The following MALRD1 variants were observed in gnomAD, a reference collection of about 807,000 sequenced individuals.
MALRD1 encodes MAM and LDL receptor class A domain containing 1, also known as MAM and LDL-receptor class A domain-containing protein 1.
In MALRD1, 247 loss-of-function variants were observed where a neutral mutation model predicts 242.1. That is an observed-to-expected ratio of 1.02 (90% CI 0.92 to 1.13). MALRD1 has a LOEUF of 1.13. Among genes scored for constraint, MALRD1 ranks in the 50% most tolerant of loss-of-function variants. The pLI is 0.00. For missense variants in MALRD1, 2,989 were observed against 2,533.1 expected, an observed-to-expected ratio of 1.18 and a Z score of -3.86; for synonymous variants, 995 against 866.6, an observed-to-expected ratio of 1.15 and a Z score of -2.60.
intron 19 of MALRD1, among the ~76,000 whole-genome samples, chr10:19,262,000 T>C (rs1050344570): frequency 6.6e-6 from 1 of 152,122 alleles, no homozygotes; most frequent in African/African-American, 2.4e-5. Context: ...AAAAATGTTA[T>C]TAATATTCCC....
At chr10:19,284,153 C>T (rs1840973662) in intron 21 of MALRD1, among the ~76,000 whole-genome samples, 1 of 152,014 alleles carries the variant, frequency 6.6e-6, no homozygotes, top group South Asian at 2.1e-4. Flanking sequence ...TCTTTATTGA[C>T]TATTAAGGCT....
intron 29 of MALRD1, among the ~76,000 whole-genome samples, chr10:19,488,186 A>G (rs1039409210): frequency 6.6e-6 from 1 of 152,226 alleles, no homozygotes; most frequent in African/African-American, 2.4e-5. Flanking sequence ...ATTTAAATAT[A>G]AGAATTGCTC....
At chr10:19,607,940 C>T (rs771125027) in intron 35 of MALRD1, 38 bp downstream of exon 35, 30 of 1,544,056 alleles carry the variant, frequency 1.9e-5, no homozygotes, top group Non-Finnish European at 2.5e-5. Flanking sequence ...GTGATATGAA[C>T]CAGCAACTTA....
At position 19,692,273 on chromosome 10, in the gene MALRD1, C is replaced by A. The variant is rs768195426; in HGVS notation, c.6138-9C>A. 6.5e-7 allele frequency: 1 copy of A among 1,529,358 alleles called. No homozygotes were observed. Among genetic ancestry groups the A allele is most frequent in the East Asian group, 2.5e-5 (1 of 40,782 alleles). 94.7% of individuals were successfully genotyped at this position (1,529,358 alleles called of 1,614,324 possible). A position where few individuals can be genotyped will look rare whatever the true frequency, so the allele number is the denominator to read the frequency against. ...TTTTTCCAACTATTTTATTTTATCT[C>A]CTTTCCAGATGTAGACAAGGCTGGA... is the stretch of plus-strand genomic sequence containing the variant. On this transcript the variant is annotated splice_polypyrimidine_tract_variant and intron_variant, in intron 36 of 39. Coordinates refer to ENST00000454679, the MANE Select transcript of MALRD1 (RefSeq NM_001142308.3).
chr10:19,338,089 T>C (rs1459502506), intron 24 of MALRD1, among the ~76,000 whole-genome samples: 1 of 150,928 alleles, frequency 6.6e-6, no homozygotes, highest in Non-Finnish European at 1.5e-5. Flanking sequence ...AGAAAGTACA[T>C]ATACTCCTTC....
upstream of MALRD1, among the ~76,000 whole-genome samples, chr10:19,048,430 C>T (rs536003680): frequency 6.6e-6 from 1 of 152,200 alleles, no homozygotes; most frequent in South Asian, 2.1e-4. Flanking sequence ...AATGGAAAAG[C>T]ATTTTATTTT....
chr10:19,326,129 A>G (rs1458766539), intron 22 of MALRD1, among the ~76,000 whole-genome samples: 1 of 152,148 alleles, frequency 6.6e-6, no homozygotes, highest in South Asian at 2.1e-4. Flanking sequence ...TAATCTAAAG[A>G]CATCCAAATG....
chr10:19,352,892 C>A (rs550394679), intron 26 of MALRD1, among the ~76,000 whole-genome samples: 1 of 152,092 alleles, frequency 6.6e-6, no homozygotes, highest in South Asian at 2.1e-4. Context: ...TTAGCAAGCA[C>A]CATTAACCCA....
intron 33 of MALRD1, among the ~76,000 whole-genome samples, chr10:19,589,738 C>T (rs1391298114): frequency 1.3e-5 from 2 of 152,182 alleles, no homozygotes; most frequent in South Asian, 2.1e-4. Flanking sequence ...CCATCACAGT[C>T]ATCAACGTTT....
chr10:19,106,099 C>T (rs1836452583), intron 5 of MALRD1, among the ~76,000 whole-genome samples: 1 of 151,772 alleles, frequency 6.6e-6, no homozygotes, highest in South Asian at 2.1e-4. Context: ...TTATGGGGTA[C>T]ATGTGAGTTT....
chr10:19,261,515 GAAGT>G (rs1224875266), intron 19 of MALRD1, among the ~76,000 whole-genome samples: 1 of 147,954 alleles, frequency 6.8e-6, no homozygotes, highest in Non-Finnish European at 1.5e-5. Context: ...CATGTTATCT[GAAGT>G]AAGAATCATG....
intron 38 of MALRD1, among the ~76,000 whole-genome samples, chr10:19,700,455 G>A (rs1381222393): frequency 6.6e-6 from 1 of 152,108 alleles, no homozygotes; most frequent in Non-Finnish European, 1.5e-5. Flanking sequence ...TATGAAATTT[G>A]CCCAAGATAG....
intron 21 of MALRD1, among the ~76,000 whole-genome samples, chr10:19,291,144 T>A (rs1402726080): frequency 1.3e-4 from 20 of 152,296 alleles, no homozygotes; most frequent in Non-Finnish European, 1.5e-5. Context: ...TAAATAATGT[T>A]TAATATTAAC....
At chr10:19,142,404 A>T (rs7898234) in intron 10 of MALRD1, among the ~76,000 whole-genome samples, 52,794 of 151,898 alleles carry the variant, frequency 0.35, 9,597 homozygotes, top group Non-Finnish European at 0.4. Flanking sequence ...CAGAGAGCTG[A>T]TTAACTTCTA....
At chr10:19,410,086 G>C (rs116177968) in intron 28 of MALRD1, among the ~76,000 whole-genome samples, 3,326 of 152,204 alleles carry the variant, frequency 0.022, 45 homozygotes, top group Middle Eastern at 0.034. Flanking sequence ...AGCTTGCTCT[G>C]TGTCTGTTCC....
chr10:19,526,756 G>A (rs1171080389), intron 31 of MALRD1, among the ~76,000 whole-genome samples: 2 of 152,164 alleles, frequency 1.3e-5, no homozygotes, highest in Non-Finnish European at 2.9e-5. Context: ...ATATGCTGCA[G>A]CGAAATAGTG....
chr10:19,705,496 C>T (rs1351408433), intron 38 of MALRD1, among the ~76,000 whole-genome samples: 2 of 152,186 alleles, frequency 1.3e-5, no homozygotes, highest in Non-Finnish European at 2.9e-5. Flanking sequence ...GATCCACAAA[C>T]CTCACTCCCA....
At chr10:19,709,243 T>TAAAAAAAAAAAAAAAAAA (rs557818453) in intron 38 of MALRD1, among the ~76,000 whole-genome samples, 4 of 105,972 alleles carry the variant, frequency 3.8e-5, no homozygotes, top group African/African-American at 1.5e-4. Flanking sequence ...CCGTCTGTAC[T>TAAAAAAAAAAAAAAAAAA]AAAAAAAAAA....
rs930082561 is a variant in MALRD1, at chr10:19,087,939, T to C, written c.435+5T>C. On this transcript the variant is annotated splice_donor_5th_base_variant and intron_variant, in intron 3 of 39. Transcript: ENST00000454679. Reference sequence around the variant, plus strand: ...AATGATCAACATGACTGCCAGGTATTTGAAAGCACACAGCATTTTAAATAT... The same window carrying C: ...AATGATCAACATGACTGCCAGGTATCTGAAAGCACACAGCATTTTAAATAT... 8.9e-6 allele frequency: 11 copies of C among 1,233,078 alleles called. No homozygotes were observed. The highest frequency in any genetic ancestry group is 4.2e-5 in the Admixed American group (1 of 23,698). 76.4% of individuals were successfully genotyped at this position (1,233,078 alleles called of 1,614,324 possible).
Sources: gnomAD v4.1 joint callset for allele counts (sites outside exome capture counted in the v4.1 genomes callset) on GRCh38, gnomAD v4.1.1 for gene constraint, MANE v1.5 for transcripts, NCBI Gene and HGNC (gene_info 2026-07-23, HGNC 2026-07-21) for gene names.